The following ZSWIM9 variants were observed in gnomAD, a reference collection of about 807,000 sequenced individuals.
ZSWIM9 encodes uncharacterized protein ZSWIM9.
ZSWIM9 carries 11 observed loss-of-function variants against 25.0 expected under a neutral mutation model. The ratio of observed to expected loss-of-function variants is 0.44; its 90% CI spans 0.28 to 0.73. The LOEUF (loss-of-function observed/expected upper bound fraction) is 0.73, where lower values mean the gene tolerates loss of function less well. Ranked by LOEUF, ZSWIM9 falls within the 30% of genes least tolerant of loss-of-function variation. The pLI is 0.16. For synonymous variants in ZSWIM9, 562 were observed against 582.1 expected, an observed-to-expected ratio of 0.97 and a Z score of 0.50; for missense variants, 1,070 against 1,296.5, an observed-to-expected ratio of 0.83 and a Z score of 2.68.
chr19:48,182,489 G>C lies in ZSWIM9; in HGVS notation c.310G>C (p.Val104Leu), dbSNP rs1312282109. 4 of 1,535,466 alleles carry C rather than the reference G, an allele frequency of 2.6e-6. No individual in the cohort carries two copies. The highest frequency in any genetic ancestry group is 3.9e-5 in the Admixed American group (2 of 50,970). ...PQPGCPAFII[V>L]KLSPLRDRLV... ...GCCCGGCTGCCCCGCCTTCATCATC[G>C]TCAAGCTGAGCCCGCTGCGGGACCG... The change falls in exon 3 of 4, where the codon GTC becomes CTC. Residue 104 changes from valine (V) to leucine (L), a missense_variant. Transcript: ENST00000614654. This position sits in a 1 kb window ranked among gnomAD's most constrained non-coding sequence, Gnocchi z 4.6.
In ZSWIM9 at chr19:48,182,719, C is replaced by A; in HGVS notation, c.540C>A (p.Asp180Glu). 6.5e-7 allele frequency: 1 copy of A among 1,534,876 alleles called. No homozygotes were observed. The highest frequency in any genetic ancestry group is 8.7e-7 in the Non-Finnish European group (1 of 1,146,074). Reference sequence around the variant, plus strand: ...AGGGCCGCGACCACGGCGTCCTGGACGCCCTGCACGTGCTCGAGGGCCTCT... The same window carrying A: ...AGGGCCGCGACCACGGCGTCCTGGAAGCCCTGCACGTGCTCGAGGGCCTCT... ...YCKGRDHGVLDALHVLEGLFR... is the reference protein window; with the variant it reads ...YCKGRDHGVLEALHVLEGLFR... Residue 180 changes from aspartate to glutamate, a missense_variant, in exon 3 of 4, where the codon GAC (aspartate) becomes GAA (glutamate). Asp to Glu is a conservative substitution (Grantham distance 45, BLOSUM62 2). This residue lies in a region of ZSWIM9 where 265 missense variants were observed against 339.0 expected (regional missense o/e 0.78). Coordinates refer to ENST00000614654, the MANE Select transcript of ZSWIM9 (RefSeq NM_199341.4). The surrounding 1 kb of genome is among the most constrained non-coding windows in gnomAD (Gnocchi z 4.6).
Position 48,196,771 on chromosome 19 carries a change from G to A in ZSWIM9, c.2707G>A (p.Ala903Thr). The A allele has an allele frequency of 8.1e-7, 1 of 1,234,444 alleles. No individual in the cohort carries two copies. Among genetic ancestry groups the A allele is most frequent in the Non-Finnish European group, 1.0e-6 (1 of 989,502 alleles). The allele number at this position is 1,234,444 out of a possible 1,614,324, so 76.5% of individuals were successfully genotyped here. The change falls in exon 4 of 4, where the codon GCC (alanine) becomes ACC (threonine). Residue 903 changes from alanine (A) to threonine (T), a missense_variant. Physicochemically the swap from Ala to Thr is moderately conservative, Grantham distance 58. Coordinates refer to ENST00000614654, the MANE Select transcript of ZSWIM9 (RefSeq NM_199341.4). ...LFAARLLTGA[A>T]LFHMDLLRDC... ...TGCAGCGCGCCTCCTCACTGGGGCT[G>A]CCTTATTCCACATGGACCTGCTCAG... is the stretch of plus-strand genomic sequence containing the variant.
rs944119659 is a variant in ZSWIM9, at chr19:48,196,952, A to G, written c.*125A>G. ...CCCCTGGCCACCTTCTGGGTCATCCAGGGACCTCCTCATGGCAGTTTGCCT... is the reference window on the plus strand; with the variant it reads ...CCCCTGGCCACCTTCTGGGTCATCCGGGGACCTCCTCATGGCAGTTTGCCT... On this transcript the variant is annotated 3_prime_UTR_variant, in exon 4 of 4. Transcript: ENST00000614654. 2.3e-5 allele frequency: 23 copies of G among 1,010,518 alleles called. No homozygotes were observed. Among genetic ancestry groups the G allele is most frequent in the Non-Finnish European group, 2.9e-5 (22 of 765,570 alleles). The allele number at this position is 1,010,518 out of a possible 1,614,324, so 62.6% of individuals were successfully genotyped here.
Position 48,196,805 on chromosome 19 carries a change from G to T in ZSWIM9, c.2741G>T (p.Trp914Leu). 8.1e-7 allele frequency: 1 copy of T among 1,236,374 alleles called. No individual in the cohort carries two copies. The allele number at this position is 1,236,374 out of a possible 1,614,324, so 76.6% of individuals were successfully genotyped here. A position where few individuals can be genotyped will look rare whatever the true frequency, so the allele number is the denominator to read the frequency against. Residue 914 changes from tryptophan (W) to leucine (L), a missense_variant, in exon 4 of 4, where the codon TGG (tryptophan) becomes TTG (leucine). By Grantham distance (61) the Trp-to-Leu change is moderately conservative. Around this residue, in one of 4 missense-constraint regions of ZSWIM9, gnomAD observed 583 missense variants for 624.7 expected, o/e 0.93. Transcript: ENST00000614654. The part of the protein sequence containing the change: ...LFHMDLLRDC[W>L]GRAPEP ...CACATGGACCTGCTCAGGGATTGCT[G>T]GGGGAGAGCCCCAGAGCCCTGACCC...
In ZSWIM9 at chr19:48,195,576, C is replaced by T. The variant is rs1421495487; in HGVS notation, c.1512C>T (p.Asp504=). ...GGGCAAGGGCACTGGAAACCAGAGA[C>T]TGGGGCGGGGCTCAGTTCGAAGGTG... is the stretch of plus-strand genomic sequence containing the variant. ...KEWARALETR[D]WGGAQFEGEK... The change falls in exon 4 of 4, where the codon GAC becomes GAT. Residue 504 remains aspartate, a synonymous_variant. Coordinates refer to ENST00000614654, the MANE Select transcript of ZSWIM9 (RefSeq NM_199341.4). The surrounding 1 kb of genome is among the most constrained non-coding windows in gnomAD (Gnocchi z 5.8). The T allele has an allele frequency of 2.8e-6, 4 of 1,414,536 alleles. No individual in the cohort carries two copies. Among genetic ancestry groups the T allele is most frequent in the Non-Finnish European group, 2.8e-6 (3 of 1,089,942 alleles). 87.6% of individuals were successfully genotyped at this position (1,414,536 alleles called of 1,614,324 possible). A position where few individuals can be genotyped will look rare whatever the true frequency, so the allele number is the denominator to read the frequency against.
chr19:48,197,268 A>G lies in ZSWIM9; in HGVS notation c.*441A>G. ...GTACAGAAGACAGATGAAGGAGAGG[A>G]GGTAAGCGAGAAAAAATGGAAAGGG... On this transcript the variant is annotated 3_prime_UTR_variant, in exon 4 of 4. Coordinates refer to ENST00000614654, the MANE Select transcript of ZSWIM9 (RefSeq NM_199341.4). 1 of 701,948 alleles carries G rather than the reference A, an allele frequency of 1.4e-6. No homozygotes were observed. The highest frequency in any genetic ancestry group is 2.6e-6 in the Non-Finnish European group (1 of 384,696). 43.5% of individuals were successfully genotyped at this position (701,948 alleles called of 1,614,324 possible).
Position 48,194,627 on chromosome 19 carries a change from C to T in ZSWIM9, c.589-26C>T. 1 of 1,409,324 alleles carries T rather than the reference C, an allele frequency of 7.1e-7. No individual in the cohort carries two copies. Among genetic ancestry groups the T allele is most frequent in the Non-Finnish European group, 9.3e-7 (1 of 1,078,502 alleles). The allele number at this position is 1,409,324 out of a possible 1,614,324, so 87.3% of individuals were successfully genotyped here. On this transcript the variant is annotated intron_variant, in intron 3 of 3. Transcript: ENST00000614654. The surrounding 1 kb of genome is among the most constrained non-coding windows in gnomAD (Gnocchi z 6.0). ...GACCCCAGCATCCTCTGACCTCTTT[C>T]CTTGCCTCCCTGCCCCCGCCCGCAG...
intron 2 of ZSWIM9, among the ~76,000 whole-genome samples, chr19:48,175,757 T>C (rs274870): frequency 0.61 from 92,442 of 151,984 alleles, 29,329 homozygotes; most frequent in East Asian, 0.86. Flanking sequence ...GTGACTCTCT[T>C]GAAGTCACCA....
chr19:48,174,811 T>G (rs1239207922), intron 2 of ZSWIM9: 1 of 152,206 alleles, frequency 6.6e-6, no homozygotes, highest in Non-Finnish European at 1.5e-5. Context: ...TGAAACCTAT[T>G]AACAGAACCC....
At chr19:48,184,305 A>G (rs1026870961) in intron 3 of ZSWIM9, among the ~76,000 whole-genome samples, 12 of 152,318 alleles carry the variant, frequency 7.9e-5, no homozygotes, top group South Asian at 2.1e-4. Flanking sequence ...GCAAAGGCCC[A>G]GAGGCACGAG....
chr19:48,186,887 G>A (rs1038711011), intron 3 of ZSWIM9: 4 of 152,328 alleles, frequency 2.6e-5, no homozygotes, highest in Admixed American at 6.6e-5. Context: ...CAAAGCCAGC[G>A]GCCCCTTTCT....
chr19:48,182,421 G>T lies in ZSWIM9; in HGVS notation c.276-34G>T. ...GAAAGGAAGAAGAGGGCAGCAGAGT[G>T]ATGTGACCAGGGCGGTGGTGGTTCC... On this transcript the variant is annotated intron_variant, in intron 2 of 3. Coordinates refer to ENST00000614654, the MANE Select transcript of ZSWIM9 (RefSeq NM_199341.4). The surrounding 1 kb of genome is among the most constrained non-coding windows in gnomAD (Gnocchi z 4.6). 2 of 1,473,916 alleles carry T rather than the reference G, an allele frequency of 1.4e-6. No individual in the cohort carries two copies. The highest frequency in any genetic ancestry group is 1.8e-6 in the Non-Finnish European group (2 of 1,099,062). The allele number at this position is 1,473,916 out of a possible 1,614,324, so 91.3% of individuals were successfully genotyped here. A position where few individuals can be genotyped will look rare whatever the true frequency, so the allele number is the denominator to read the frequency against.
rs2036953418 is a variant in ZSWIM9, at chr19:48,182,072, A to T, written c.276-383A>T. ...TATCTGAAATTTTTTATTTCTAAAA[A>T]AAGTTAAGGTAAATACAATAAAACA... is the stretch of plus-strand genomic sequence containing the variant. On this transcript the variant is annotated intron_variant, in intron 2 of 3. Coordinates refer to ENST00000614654, the MANE Select transcript of ZSWIM9 (RefSeq NM_199341.4). This position sits in a 1 kb window ranked among gnomAD's most constrained non-coding sequence, Gnocchi z 4.6. 1 of 185,156 alleles carries T rather than the reference A, an allele frequency of 5.4e-6. No homozygotes were observed. Among genetic ancestry groups the T allele is most frequent in the Non-Finnish European group, 1.1e-5 (1 of 90,610 alleles). 11.5% of individuals were successfully genotyped at this position (185,156 alleles called of 1,614,324 possible). A position where few individuals can be genotyped will look rare whatever the true frequency, so the allele number is the denominator to read the frequency against.
rs1222356363 is a variant in ZSWIM9, at chr19:48,187,561, A to G, written c.588+4794A>G. On this transcript the variant is annotated intron_variant, in intron 3 of 3. Transcript: ENST00000614654. ...TATTATATTATATTATATATATTAT[A>G]TATAATATTATATATATTATATATT... 1.6e-3 allele frequency: 38 copies of G among 23,540 alleles called. 1 individual carries two copies. In the East Asian group the frequency reaches 0.064, roughly 39 times the overall value. 1.5% of individuals were successfully genotyped at this position (23,540 alleles called of 1,614,324 possible). A position where few individuals can be genotyped will look rare whatever the true frequency, so the allele number is the denominator to read the frequency against.
chr19:48,171,140 A>G (rs887723793), intron 1 of ZSWIM9: 1 of 714,152 alleles, frequency 1.4e-6, no homozygotes, highest in African/African-American at 1.9e-5. Context: ...AGAGTGTCTC[A>G]GGGAAGCCCC....
At chr19:48,185,265 G>A (rs1355321494) in intron 3 of ZSWIM9, among the ~76,000 whole-genome samples, 1 of 151,628 alleles carries the variant, frequency 6.6e-6, no homozygotes, top group Non-Finnish European at 1.5e-5. Flanking sequence ...TCAGCCTCCT[G>A]AGTAGCTGGG....
At position 48,171,907 on chromosome 19, in the gene ZSWIM9, C is replaced by T. The variant is rs1271596736; in HGVS notation, c.105C>T (p.Asp35=). ...FSWAEFSRFF[D]AWCQQRLALF... ...GGGCCGAGTTCAGCCGCTTCTTCGA[C>T]GCGTGGTGCCAGCAGCGGCTGGCGC... is the stretch of plus-strand genomic sequence containing the variant. The change falls in exon 2 of 4, where the codon GAC becomes GAT. Residue 35 remains aspartate, a synonymous_variant. Coordinates refer to ENST00000614654, the MANE Select transcript of ZSWIM9 (RefSeq NM_199341.4). 5.2e-6 allele frequency: 8 copies of T among 1,535,724 alleles called. No individual in the cohort carries two copies. Among genetic ancestry groups the T allele is most frequent in the Non-Finnish European group, 7.0e-6 (8 of 1,146,704 alleles).
chr19:48,185,759 G>A (rs2037004331), intron 3 of ZSWIM9, among the ~76,000 whole-genome samples: 1 of 152,206 alleles, frequency 6.6e-6, no homozygotes, highest in South Asian at 2.1e-4. Context: ...CTCTGAGGCA[G>A]ATGGATCACC....
In ZSWIM9 at chr19:48,196,887, C is replaced by A; in HGVS notation, c.*60C>A. On this transcript the variant is annotated 3_prime_UTR_variant, in exon 4 of 4. Transcript: ENST00000614654. ...AGGGTCGGAGGGCATTCTTCGATCC[C>A]AAAGATAATAGGGCTGAGGCCAAGG... 1 of 1,245,944 alleles carries A rather than the reference C, an allele frequency of 8.0e-7. No individual in the cohort carries two copies. The highest frequency in any genetic ancestry group is 1.0e-6 in the Non-Finnish European group (1 of 995,340). The allele number at this position is 1,245,944 out of a possible 1,614,324, so 77.2% of individuals were successfully genotyped here.
Sources: allele counts gnomAD v4.1 joint callset (sites outside exome capture counted in the v4.1 genomes callset), GRCh38; gene constraint gnomAD v4.1.1; regional missense constraint gnomAD v4.1.1; non-coding constraint Gnocchi (gnomAD v3.1); transcripts MANE v1.5; gene names NCBI Gene and HGNC (gene_info 2026-07-23, HGNC 2026-07-21).